Variants in ENC1 observed in about 807,000 individuals in gnomAD.
ENC1 encodes the protein ectoderm-neural cortex protein 1.
In ENC1, 19 loss-of-function variants were observed where a neutral mutation model predicts 40.9. The observed-to-expected ratio is 0.46, with a 90% CI of 0.32 to 0.68. The LOEUF (loss-of-function observed/expected upper bound fraction) is 0.68, where lower values mean the gene tolerates loss of function less well. ENC1 is among the 30% of genes least tolerant of loss of function. The pLI is 0.03. For synonymous variants in ENC1, 285 were observed against 291.1 expected (o/e 0.98, Z 0.21); for missense variants, 479 against 737.5 (o/e 0.65, Z 4.06).
At chr5:74,637,534 C>T (rs528130547) in intron 1 of ENC1, 1 of 152,264 alleles carries the variant, frequency 6.6e-6, no homozygotes, top group Admixed American at 6.5e-5. Context: ...GGATTTGGCA[C>T]ATAAAAAGAA....
At chr5:74,640,183 C>T (rs1747799872) in intron 1 of ENC1, 124 bp downstream of exon 1, 1 of 152,188 alleles carries the variant, frequency 6.6e-6, no homozygotes, top group African/African-American at 2.4e-5. Context: ...CTCCCCTTGC[C>T]CTCTAGTCGA....
rs1747236467 is a variant in ENC1 at position 74,627,424 on chromosome 5, T to C, written c.*2601A>G. On this transcript the variant is annotated 3_prime_UTR_variant, in exon 3 of 3. Coordinates refer to ENST00000302351, the MANE Select transcript of ENC1 (RefSeq NM_003633.4). ...ACACACATAATGAAGAGAAAATCTC[T>C]AATAATTTATTGACCTTCAGTTTCA... 6.6e-6 allele frequency: 1 copy of C among 151,602 alleles called. No individual in the cohort carries two copies. 9.4% of individuals were successfully genotyped at this position (151,602 alleles called of 1,614,324 possible).
chr5:74,637,309 G>T (rs1476915769), intron 1 of ENC1, among the ~76,000 whole-genome samples: 3 of 152,046 alleles, frequency 2.0e-5, no homozygotes, highest in Non-Finnish European at 4.4e-5. Flanking sequence ...TAGAGACCGG[G>T]TCTCAAACTC....
Position 74,629,425 on chromosome 5 carries a change from A to T in ENC1, c.*600T>A, listed in dbSNP as rs950944210. 6 of 152,248 alleles carry T rather than the reference A, an allele frequency of 3.9e-5. No homozygotes were observed. Among genetic ancestry groups the T allele is most frequent in the Non-Finnish European group, 5.9e-5 (4 of 68,052 alleles). 9.4% of individuals were successfully genotyped at this position (152,248 alleles called of 1,614,324 possible). A position where few individuals can be genotyped will look rare whatever the true frequency, so the allele number is the denominator to read the frequency against. On this transcript the variant is annotated 3_prime_UTR_variant, in exon 3 of 3. Transcript: ENST00000302351. ...AAGTCACTTATAAATAGAAAAGAAC[A>T]TCTACCAAATGGCTACCAACAAAGT...
intron 2 of ENC1, among the ~76,000 whole-genome samples, chr5:74,630,916 A>G (rs1561190381): frequency 6.6e-6 from 1 of 152,196 alleles, no homozygotes; most frequent in Non-Finnish European, 1.5e-5. Context: ...TGTGTTCAGA[A>G]GCCTGATTCA....
chr5:74,634,495 T>C (rs988730990), intron 2 of ENC1, among the ~76,000 whole-genome samples, 189 bp downstream of exon 2: 12 of 152,144 alleles, frequency 7.9e-5, no homozygotes, highest in African/African-American at 2.4e-4. Flanking sequence ...CACTGGCTAA[T>C]GCCATGGTGG....
In ENC1 at chr5:74,628,004, A is replaced by G. The variant is rs1747259307; in HGVS notation, c.*2021T>C. ...AAAATTCATCCTGCTTTCAGAAGCCATGCAGTGACACATACATCTCTCTTG... is the reference window on the plus strand; with the variant it reads ...AAAATTCATCCTGCTTTCAGAAGCCGTGCAGTGACACATACATCTCTCTTG... On this transcript the variant is annotated 3_prime_UTR_variant, in exon 3 of 3. Coordinates refer to ENST00000302351, the MANE Select transcript of ENC1 (RefSeq NM_003633.4). 2 of 152,638 alleles carry G rather than the reference A, an allele frequency of 1.3e-5. No homozygotes were observed. Among genetic ancestry groups the G allele is most frequent in the African/African-American group, 2.4e-5 (1 of 41,450 alleles). 9.5% of individuals were successfully genotyped at this position (152,638 alleles called of 1,614,324 possible).
At position 74,629,527 on chromosome 5, in the gene ENC1, G is replaced by A. The variant is rs1245752551; in HGVS notation, c.*498C>T. The A allele has an allele frequency of 6.6e-6, 1 of 152,244 alleles. No individual in the cohort carries two copies. Among genetic ancestry groups the A allele is most frequent in the Non-Finnish European group, 1.5e-5 (1 of 68,096 alleles). The allele number at this position is 152,244 out of a possible 1,614,324, so 9.4% of individuals were successfully genotyped here. A position where few individuals can be genotyped will look rare whatever the true frequency, so the allele number is the denominator to read the frequency against. ...AGAGTCCAGTGGTCTTCATTCTTCA[G>A]CCAGCCCAGCCAGCTTCCCTCTCGG... On this transcript the variant is annotated 3_prime_UTR_variant, in exon 3 of 3. Coordinates refer to ENST00000302351, the MANE Select transcript of ENC1 (RefSeq NM_003633.4).
rs1747284445 is a variant in ENC1, at chr5:74,628,663, T to G, written c.*1362A>C. 6.6e-6 allele frequency: 1 copy of G among 152,198 alleles called. No individual in the cohort carries two copies. Among genetic ancestry groups the G allele is most frequent in the Non-Finnish European group, 1.5e-5 (1 of 68,046 alleles). The allele number at this position is 152,198 out of a possible 1,614,324, so 9.4% of individuals were successfully genotyped here. A position where few individuals can be genotyped will look rare whatever the true frequency, so the allele number is the denominator to read the frequency against. ...CTACGGGTGAGCACTGAAGTATACA[T>G]TGTGCCAATGTAATTATTGTCTTGG... On this transcript the variant is annotated 3_prime_UTR_variant, in exon 3 of 3. Coordinates refer to ENST00000302351, the MANE Select transcript of ENC1 (RefSeq NM_003633.4).
chr5:74,636,334 T>C lies in ENC1; in HGVS notation c.152A>G (p.His51Arg). The C allele has an allele frequency of 1.2e-6, 2 of 1,614,150 alleles. No homozygotes were observed. The highest frequency in any genetic ancestry group is 1.7e-6 in the Non-Finnish European group (2 of 1,180,026). Residue 51 changes from histidine to arginine, a missense_variant, in exon 2 of 3, where the codon CAT (histidine) becomes CGT (arginine). Transcript: ENST00000302351. The surrounding 1 kb of genome is among the most constrained non-coding windows in gnomAD (Gnocchi z 4.8). ...QQRLFTDVLL[H>R]AGNRTFPCHR... ...GCAAGGGAAGGTCCTATTTCCGGCA[T>C]GGAGAAGGACGTCAGTGAAGAGACG...
chr5:74,634,815 G>A lies in ENC1; in HGVS notation c.1671C>T (p.Cys557=). ...TCCACACGTCTAATGTTGGATCGTA[G>A]CAGTCCAAAGTCTTGCATCGCTGAA... ...FGIQRCKTLD[C]YDPTLDVWNS... Residue 557 remains cysteine, a synonymous_variant, in exon 2 of 3, where the codon TGC becomes TGT. Coordinates refer to ENST00000302351, the MANE Select transcript of ENC1 (RefSeq NM_003633.4). 6.2e-7 allele frequency: 1 copy of A among 1,614,040 alleles called. No individual in the cohort carries two copies.
At position 74,636,409 on chromosome 5, in the gene ENC1, G is replaced by T; in HGVS notation, c.77C>A (p.Ser26Tyr). Reference protein sequence around the residue: ...GSINIYLFHKSSYADSVLTHL... With the variant: ...GSINIYLFHKYSYADSVLTHL... Reference sequence around the variant, plus strand: ...AGTGAGGACGCTGTCAGCGTAGGAGGACTTGTGAAACAGATAGATGTTAAT... The same window carrying T: ...AGTGAGGACGCTGTCAGCGTAGGAGTACTTGTGAAACAGATAGATGTTAAT... Residue 26 changes from serine to tyrosine, a missense_variant, in exon 2 of 3, where the codon TCC becomes TAC. Coordinates refer to ENST00000302351, the MANE Select transcript of ENC1 (RefSeq NM_003633.4). The surrounding 1 kb of genome is among the most constrained non-coding windows in gnomAD (Gnocchi z 4.8). 1 of 1,614,062 alleles carries T rather than the reference G, an allele frequency of 6.2e-7. No homozygotes were observed. The highest frequency in any genetic ancestry group is 1.1e-5 in the South Asian group (1 of 91,066).
chr5:74,635,152 T>A lies in ENC1; in HGVS notation c.1334A>T (p.Lys445Met). 1 of 1,614,214 alleles carries A rather than the reference T, an allele frequency of 6.2e-7. No individual in the cohort carries two copies. The highest frequency in any genetic ancestry group is 2.2e-5 in the East Asian group (1 of 44,892). The part of the protein sequence containing the change: ...SNAAVVSAKL[K>M]LFAFGGTSVS... ...ACTGGTACCTCCGAAAGCAAATAAC[T>A]TAAGTTTGGCACTCACTACTGCGGC... is the stretch of plus-strand genomic sequence containing the variant. The change falls in exon 2 of 3, where the codon AAG becomes ATG. Residue 445 changes from lysine to methionine, a missense_variant. Lys to Met is a moderately conservative substitution (Grantham distance 95, BLOSUM62 -1). Transcript: ENST00000302351. The surrounding 1 kb of genome is among the most constrained non-coding windows in gnomAD (Gnocchi z 5.5).
chr5:74,633,218 C>T (rs1001463162), intron 2 of ENC1, among the ~76,000 whole-genome samples: 1 of 152,198 alleles, frequency 6.6e-6, no homozygotes, highest in Non-Finnish European at 1.5e-5. Flanking sequence ...GGGGCCAATC[C>T]TAAGAATGCT....
At position 74,635,831 on chromosome 5, in the gene ENC1, T is replaced by G; in HGVS notation, c.655A>C (p.Ser219Arg). Residue 219 changes from serine to arginine, a missense_variant, in exon 2 of 3, where the codon AGC (serine) becomes CGC (arginine). By Grantham distance (110) the Ser-to-Arg change is moderately radical (BLOSUM62 -1). Transcript: ENST00000302351. This position sits in a 1 kb window ranked among gnomAD's most constrained non-coding sequence, Gnocchi z 5.5. ...LVYESAINWI[S>R]YDLKKRYCYL... Reference sequence around the variant, plus strand: ...CAATAGCGCTTCTTCAGGTCATAGCTGATCCAGTTAATTGCAGACTCGTAC... The same window carrying G: ...CAATAGCGCTTCTTCAGGTCATAGCGGATCCAGTTAATTGCAGACTCGTAC... 2 of 1,614,078 alleles carry G rather than the reference T, an allele frequency of 1.2e-6. No individual in the cohort carries two copies. The highest frequency in any genetic ancestry group is 1.7e-6 in the Non-Finnish European group (2 of 1,180,040).
Position 74,640,530 on chromosome 5 carries a change from C to CCCGCAGAGCGTCT in ENC1, c.-250_-238dup. ...CACGCCGCGGACCCGGTGTCCAGGA[C>CCCGCAGAGCGTCT]CCGCAGAGCGTCTCCGGAGCGCGTC... On this transcript the variant is annotated 5_prime_UTR_variant, in exon 1 of 3. Coordinates refer to ENST00000302351, the MANE Select transcript of ENC1 (RefSeq NM_003633.4). 1 of 152,280 alleles carries CCCGCAGAGCGTCT rather than the reference C, an allele frequency of 6.6e-6. No homozygotes were observed. The highest frequency in any genetic ancestry group is 6.5e-5 in the Admixed American group (1 of 15,292). The allele number at this position is 152,280 out of a possible 1,614,324, so 9.4% of individuals were successfully genotyped here.
chr5:74,635,456 T>G lies in ENC1; in HGVS notation c.1030A>C (p.Ile344Leu). 6.2e-7 allele frequency: 1 copy of G among 1,613,986 alleles called. No homozygotes were observed. Residue 344 changes from isoleucine (I) to leucine (L), a missense_variant, in exon 2 of 3, where the codon ATT becomes CTT. Coordinates refer to ENST00000302351, the MANE Select transcript of ENC1 (RefSeq NM_003633.4). The surrounding 1 kb of genome is among the most constrained non-coding windows in gnomAD (Gnocchi z 5.5). ...TTTTCAGACCCCCGCCCCCCAGTAA[T>G]GTACACTTTGCAGCCAATCGCACAT... The part of the protein sequence containing the change: ...SACAIGCKVY[I>L]TGGRGSENGV...
chr5:74,634,892 G>A lies in ENC1; in HGVS notation c.1594C>T (p.His532Tyr). The stretch of plus-strand genomic sequence containing the variant: ...AGTTTGTTTCCAGAGGCCACAGCAT[G>A]GCAGCTCATGCGCTTTGCTGTCACA... ...GDVTAKRMSC[H>Y]AVASGNKLYV... is the part of the protein sequence containing the mutation. Residue 532 changes from histidine (H) to tyrosine (Y), a missense_variant, in exon 2 of 3, where the codon CAT becomes TAT. By Grantham distance (83) the His-to-Tyr change is moderately conservative (BLOSUM62 2). Coordinates refer to ENST00000302351, the MANE Select transcript of ENC1 (RefSeq NM_003633.4). 2 of 1,614,164 alleles carry A rather than the reference G, an allele frequency of 1.2e-6. No homozygotes were observed. The highest frequency in any genetic ancestry group is 1.1e-5 in the South Asian group (1 of 91,082).
At chr5:74,637,711 A>C (rs1377720666) in intron 1 of ENC1, 2 of 152,008 alleles carry the variant, frequency 1.3e-5, no homozygotes, top group Non-Finnish European at 2.9e-5. Flanking sequence ...CCTGCATAGA[A>C]GGAGTTCAAA....
Sources: gnomAD v4.1 joint callset for allele counts (sites outside exome capture counted in the v4.1 genomes callset) on GRCh38, gnomAD v4.1.1 for gene constraint, Gnocchi (gnomAD v3.1) non-coding constraint, MANE v1.5 for transcripts, NCBI Gene and HGNC (gene_info 2026-07-23, HGNC 2026-07-21) for gene names.